The following NXN variants were observed in gnomAD, a reference collection of about 807,000 sequenced individuals.
NXN encodes nucleoredoxin 1.
A neutral mutation model predicts 48.6 loss-of-function variants in NXN; 16 were observed. That is an observed-to-expected ratio of 0.33 (90% CI 0.22 to 0.50). The LOEUF is 0.50. NXN is among the 20% of genes least tolerant of loss of function. The pLI is 0.98. For missense variants in NXN, 492 were observed against 605.5 expected (o/e 0.81, Z 1.97); for synonymous variants, 281 against 269.6 (o/e 1.04, Z -0.41).
In NXN at chr17:958,562, G is replaced by A. The variant is rs899457722; in HGVS notation, c.360+20757C>T. ...CCGAAGCGGGTGGATCACGAGGTCA[G>A]GAGTTCGAGACCAGCCTGGCCAACA... is the stretch of plus-strand genomic sequence containing the variant. On this transcript the variant is annotated intron_variant, in intron 1 of 7. Coordinates refer to ENST00000336868, the MANE Select transcript of NXN (RefSeq NM_022463.5). This position sits in a 1 kb window ranked among gnomAD's most constrained non-coding sequence, Gnocchi z 6.9. 6.6e-6 allele frequency among the ~76,000 whole-genome samples: 1 copy of A among 152,102 alleles called. No homozygotes were observed. The highest frequency in any genetic ancestry group is 2.4e-5 in the African/African-American group (1 of 41,426).
At chr17:914,697 C>G (rs886263208) in intron 1 of NXN, among the ~76,000 whole-genome samples, 3 of 152,152 alleles carry the variant, frequency 2.0e-5, no homozygotes, top group African/African-American at 7.2e-5. Context: ...AAAGAGTCCA[C>G]AGTCCATTGA....
chr17:882,767 T>A (rs891500174), intron 1 of NXN, among the ~76,000 whole-genome samples: 1 of 151,628 alleles, frequency 6.6e-6, no homozygotes, highest in Non-Finnish European at 1.5e-5. Context: ...ACCCGGCCTC[T>A]TTGTTTTGTT....
At chr17:935,831 G>A (rs959739522) in intron 1 of NXN, among the ~76,000 whole-genome samples, 59 of 152,182 alleles carry the variant, frequency 3.9e-4, no homozygotes, top group African/African-American at 1.3e-3. Context: ...AGTGACTCAC[G>A]CCTATAATCC....
At chr17:977,732 T>C (rs1338231266) in intron 1 of NXN, among the ~76,000 whole-genome samples, 1 of 152,252 alleles carries the variant, frequency 6.6e-6, no homozygotes, top group East Asian at 1.9e-4. Flanking sequence ...GAAAATGTTT[T>C]TTGGCAAATC....
intron 1 of NXN, among the ~76,000 whole-genome samples, chr17:974,368 T>C (rs557823617): frequency 6.6e-6 from 1 of 151,820 alleles, no homozygotes; most frequent in Non-Finnish European, 1.5e-5. Context: ...TATATAGATA[T>C]ATATATATAG....
intron 3 of NXN, 68 bp downstream of exon 3, chr17:823,564 C>A (rs1912933237): frequency 1.3e-6 from 2 of 1,581,222 alleles, no homozygotes; most frequent in Admixed American, 3.6e-5. Flanking sequence ...AGAAGCCAAC[C>A]ACAGCTGGGC....
chr17:825,221 GAAAAAAA>G lies in NXN; in HGVS notation c.478+733_478+739del, dbSNP rs34471469. Among the ~76,000 whole-genome samples the G allele has an allele frequency of 3.6e-4, 43 of 120,986 alleles. 1 individual carries two copies. In the East Asian group the frequency reaches 4.9e-3, roughly 14 times the overall value. 79.4% of individuals were successfully genotyped at this position (120,986 alleles called of 152,430 possible). A position where few individuals can be genotyped will look rare whatever the true frequency, so the allele number is the denominator to read the frequency against. On this transcript the variant is annotated intron_variant, in intron 2 of 7. Coordinates refer to ENST00000336868, the MANE Select transcript of NXN (RefSeq NM_022463.5). This position sits in a 1 kb window ranked among gnomAD's most constrained non-coding sequence, Gnocchi z 4.1. ...GACAGAGGGAGATAGTGTCTCAAGA[GAAAAAAA>G]AAAAAAAAAAAGAAAAGCTTCACGC... is the stretch of plus-strand genomic sequence containing the variant.
Position 830,782 on chromosome 17 carries a change from T to C in NXN, c.361-4704A>G, listed in dbSNP as rs976834672. Among the ~76,000 whole-genome samples, 3 of 151,816 alleles carry C rather than the reference T, an allele frequency of 2.0e-5. No individual in the cohort carries two copies. Among genetic ancestry groups the C allele is most frequent in the Non-Finnish European group, 2.9e-5 (2 of 67,926 alleles). On this transcript the variant is annotated intron_variant, in intron 1 of 7. Coordinates refer to ENST00000336868, the MANE Select transcript of NXN (RefSeq NM_022463.5). The surrounding 1 kb of genome is among the most constrained non-coding windows in gnomAD (Gnocchi z 4.2). ...TTGGGAGGCCAAGGTGGGCAGATCA[T>C]CTGAGGTCAGGAGTTCGACAACAGC... is the stretch of plus-strand genomic sequence containing the variant.
intron 1 of NXN, chr17:959,223 C>T (rs1047221525): frequency 1.1e-5 from 11 of 1,021,688 alleles, no homozygotes; most frequent in Admixed American, 3.2e-5. Context: ...GCAGACAGGC[C>T]TGCAGATACC....
At chr17:929,506 C>A (rs764650507) in intron 1 of NXN, among the ~76,000 whole-genome samples, 6 of 152,188 alleles carry the variant, frequency 3.9e-5, no homozygotes, top group Non-Finnish European at 8.8e-5. Context: ...AGTGTGCCCC[C>A]CTACCCTCTG....
intron 5 of NXN, among the ~76,000 whole-genome samples, chr17:810,596 G>C (rs1911929586): frequency 1.3e-5 from 2 of 152,112 alleles, no homozygotes; most frequent in Non-Finnish European, 2.9e-5. Context: ...TGCTTAGAGA[G>C]TTAAGGAAAG....
chr17:808,023 C>G (rs982749211), intron 5 of NXN, among the ~76,000 whole-genome samples: 4 of 152,178 alleles, frequency 2.6e-5, no homozygotes, highest in Non-Finnish European at 4.4e-5. Context: ...TGGGGGTCAC[C>G]CAGCCAGGCA....
intron 1 of NXN, among the ~76,000 whole-genome samples, chr17:852,873 C>A (rs1385454134): frequency 3.3e-5 from 5 of 152,194 alleles, no homozygotes; most frequent in African/African-American, 1.2e-4. Context: ...CCCCAGGATG[C>A]CTATTTCCCC....
chr17:805,652 C>G (rs1445354567), intron 5 of NXN, among the ~76,000 whole-genome samples: 4 of 145,786 alleles, frequency 2.7e-5, no homozygotes, highest in African/African-American at 9.9e-5. Flanking sequence ...GCCTGGCCAA[C>G]ATGGTGAAAC....
chr17:964,249 G>T (rs2069275436), intron 1 of NXN, among the ~76,000 whole-genome samples: 1 of 152,144 alleles, frequency 6.6e-6, no homozygotes, highest in Non-Finnish European at 1.5e-5. Context: ...ATAAATCCCT[G>T]TCTCCTCATG....
At position 917,639 on chromosome 17, in the gene NXN, C is replaced by T. The variant is rs1015621657; in HGVS notation, c.360+61680G>A. Among the ~76,000 whole-genome samples the T allele has an allele frequency of 1.3e-5, 2 of 152,338 alleles. No homozygotes were observed. Among genetic ancestry groups the T allele is most frequent in the Admixed American group, 6.5e-5 (1 of 15,302 alleles). ...CTCCCACAAGGACGTGGCTCAGACG[C>T]ACGTCACCATCTCAACCCAATGTAG... On this transcript the variant is annotated intron_variant, in intron 1 of 7. Coordinates refer to ENST00000336868, the MANE Select transcript of NXN (RefSeq NM_022463.5). The surrounding 1 kb of genome is among the most constrained non-coding windows in gnomAD (Gnocchi z 4.5).
chr17:818,533 T>G (rs144099951), intron 5 of NXN, among the ~76,000 whole-genome samples: 1,659 of 152,252 alleles, frequency 0.011, 8 homozygotes, highest in Middle Eastern at 0.051. Flanking sequence ...AGTAAACCTT[T>G]GGGATAAGAT....
At chr17:979,276 G>T in intron 1 of NXN, 43 bp downstream of exon 1, 1 of 1,372,208 alleles carries the variant, frequency 7.3e-7, no homozygotes, top group Non-Finnish European at 9.5e-7. Context: ...GGGGTAACGG[G>T]CGTGGGGGGC....
At chr17:949,696 C>CCTGCCTCCTCCTCTCCCCG (rs2069087981) in intron 1 of NXN, among the ~76,000 whole-genome samples, 1 of 121,466 alleles carries the variant, frequency 8.2e-6, no homozygotes, top group Non-Finnish European at 1.8e-5. Context: ...TCCTCTCCCC[C>CCTGCCTCCTCCTCTCCCCG]CTGCCTCCTC....
Sources: gnomAD v4.1 joint callset for allele counts (sites outside exome capture counted in the v4.1 genomes callset) on GRCh38, gnomAD v4.1.1 for gene constraint, Gnocchi (gnomAD v3.1) non-coding constraint, MANE v1.5 for transcripts, NCBI Gene and HGNC (gene_info 2026-07-23, HGNC 2026-07-21) for gene names.